ADAMTS2: variants seen among roughly 807,000 people sequenced by gnomAD.
ADAMTS2 encodes the protein ADAM metallopeptidase with thrombospondin type 1 motif 2.
A neutral mutation model predicts 123.0 loss-of-function variants in ADAMTS2; 50 were observed. The observed-to-expected ratio is 0.41, with a 90% CI of 0.32 to 0.51. The LOEUF is 0.51. Ranked by LOEUF, ADAMTS2 falls within the 20% of genes least tolerant of loss-of-function variation. The pLI is 0.35. For synonymous variants in ADAMTS2, 678 were observed against 695.4 expected (o/e 0.98, Z 0.39); for missense variants, 1,494 against 1,705.2 (o/e 0.88, Z 2.18).
Position 179,246,724 on chromosome 5 carries a change from A to T in ADAMTS2, c.688+26187T>A, listed in dbSNP as rs183329495. 2.0e-5 allele frequency among the ~76,000 whole-genome samples: 3 copies of T among 152,358 alleles called. No individual in the cohort carries two copies. The East Asian group carries it at 5.8e-4, about 29-fold the overall frequency. ...GTGTGCTCAAACACAGAACCAATCT[A>T]CAAAGACGAGGAGAGTATTTCTTCC... On this transcript the variant is annotated intron_variant, in intron 3 of 21. Transcript: ENST00000251582.
intron 3 of ADAMTS2, among the ~76,000 whole-genome samples, chr5:179,263,880 T>C (rs1766295450): frequency 6.6e-6 from 1 of 152,222 alleles, no homozygotes; most frequent in African/African-American, 2.4e-5. Context: ...CTGCCTAGGA[T>C]TAATTTCAAA....
At chr5:179,254,560 C>A (rs1480020542) in intron 3 of ADAMTS2, among the ~76,000 whole-genome samples, 1 of 152,134 alleles carries the variant, frequency 6.6e-6, no homozygotes. Context: ...GGAAGCAACT[C>A]AAATGCTTGT....
chr5:179,331,729 C>T (rs1445654362), intron 2 of ADAMTS2, among the ~76,000 whole-genome samples: 1 of 152,146 alleles, frequency 6.6e-6, no homozygotes, highest in Non-Finnish European at 1.5e-5. Flanking sequence ...GTCGGCAGGG[C>T]TGAGCCCTGG....
chr5:179,292,388 G>A (rs1344539892), intron 2 of ADAMTS2, among the ~76,000 whole-genome samples: 3 of 151,526 alleles, frequency 2.0e-5, no homozygotes, highest in Non-Finnish European at 4.4e-5. Context: ...CAGCACACTC[G>A]ACCATAAAGA....
At chr5:179,281,765 C>T (rs1379916807) in intron 2 of ADAMTS2, among the ~76,000 whole-genome samples, 1 of 152,132 alleles carries the variant, frequency 6.6e-6, no homozygotes, top group Non-Finnish European at 1.5e-5. Flanking sequence ...TTCTCAGTGC[C>T]CCCAGCAGTG....
rs1296193643 is a variant in ADAMTS2, at chr5:179,156,146, C to A, written c.1133-1227G>T. Among the ~76,000 whole-genome samples, 3 of 152,146 alleles carry A rather than the reference C, an allele frequency of 2.0e-5. No individual in the cohort carries two copies. The South Asian group carries it at 6.2e-4, about 32-fold the overall frequency. On this transcript the variant is annotated intron_variant, in intron 6 of 21. Coordinates refer to ENST00000251582, the MANE Select transcript of ADAMTS2 (RefSeq NM_014244.5). ...TTTCCATTCATCCTACTCAGCATTA[C>A]AGGAGCCTGCGAGATCTGAAAGCGC... is the stretch of plus-strand genomic sequence containing the variant.
At chr5:179,223,499 TGCACACTCATACGAATGCACTC>T (rs1765187824) in intron 3 of ADAMTS2, among the ~76,000 whole-genome samples, 1 of 102,132 alleles carries the variant, frequency 9.8e-6, no homozygotes, top group Non-Finnish European at 2.1e-5. Flanking sequence ...CACACTCACA[TGCACACTCATACGAATGCACTC>T]ACACACATGC....
At chr5:179,137,075 C>A (rs997626373) in intron 12 of ADAMTS2, among the ~76,000 whole-genome samples, 1 of 152,174 alleles carries the variant, frequency 6.6e-6, no homozygotes, top group Non-Finnish European at 1.5e-5. Flanking sequence ...CCCTTCTCAG[C>A]CTTTATCTGA....
intron 4 of ADAMTS2, among the ~76,000 whole-genome samples, chr5:179,195,158 C>A (rs1400294151): frequency 6.6e-6 from 1 of 152,204 alleles, no homozygotes; most frequent in African/African-American, 2.4e-5. Context: ...GTGCTCTGAG[C>A]TCCCCCAGTG....
intron 4 of ADAMTS2, among the ~76,000 whole-genome samples, chr5:179,206,726 C>T (rs929950044): frequency 3.3e-5 from 5 of 152,202 alleles, no homozygotes; most frequent in African/African-American, 4.8e-5. Context: ...GTGGCTCTGA[C>T]CACATGAGGC....
At chr5:179,315,308 A>T in intron 2 of ADAMTS2, among the ~76,000 whole-genome samples, 1 of 152,218 alleles carries the variant, frequency 6.6e-6, no homozygotes, top group African/African-American at 2.4e-5. Context: ...GGCTTCTGGA[A>T]AGCACTGAGG....
intron 2 of ADAMTS2, among the ~76,000 whole-genome samples, chr5:179,328,009 C>A (rs991536127): frequency 2.6e-5 from 4 of 152,066 alleles, no homozygotes; most frequent in African/African-American, 9.7e-5. Flanking sequence ...TGGGAAACAT[C>A]CAAGCGAGAG....
chr5:179,177,134 C>T (rs936565778), intron 5 of ADAMTS2, among the ~76,000 whole-genome samples: 1 of 152,214 alleles, frequency 6.6e-6, no homozygotes, highest in Non-Finnish European at 1.5e-5. Flanking sequence ...CCCAGCACAG[C>T]ACTTCCCACA....
chr5:179,135,067 C>T (rs1468522159), intron 13 of ADAMTS2, among the ~76,000 whole-genome samples: 9 of 48,004 alleles, frequency 1.9e-4, no homozygotes, highest in African/African-American at 4.6e-4. Context: ...TCCCAGCTCC[C>T]GGGTCCAGCT....
rs1464807301 is a variant in ADAMTS2, at chr5:179,128,541, C to T, written c.2458-423G>A. ...CTGAGTAGCTGGGATTACAGGCGCC[C>T]GCCACCACGCCTGGCTAATTTTTGT... On this transcript the variant is annotated intron_variant, in intron 16 of 21. Coordinates refer to ENST00000251582, the MANE Select transcript of ADAMTS2 (RefSeq NM_014244.5). This position sits in a 1 kb window ranked among gnomAD's most constrained non-coding sequence, Gnocchi z 4.9. 1.3e-5 allele frequency among the ~76,000 whole-genome samples: 2 copies of T among 151,990 alleles called. No homozygotes were observed. The highest frequency in any genetic ancestry group is 1.9e-4 in the East Asian group (1 of 5,160).
intron 3 of ADAMTS2, among the ~76,000 whole-genome samples, chr5:179,251,551 G>A (rs995385726): frequency 3.3e-5 from 5 of 152,198 alleles, no homozygotes; most frequent in Admixed American, 2.6e-4. Flanking sequence ...GTGTCTCTGC[G>A]TGTTCTGTGT....
chr5:179,134,724 C>T (rs529230180), intron 13 of ADAMTS2, among the ~76,000 whole-genome samples: 2 of 149,652 alleles, frequency 1.3e-5, no homozygotes, highest in African/African-American at 2.4e-5. Flanking sequence ...AGCACCCTCC[C>T]GGCTCCAGCT....
At position 179,273,043 on chromosome 5, in the gene ADAMTS2, C is replaced by A; in HGVS notation, c.556G>T (p.Glu186Ter). 1 of 1,613,624 alleles carries A rather than the reference C, an allele frequency of 6.2e-7. No individual in the cohort carries two copies. Among genetic ancestry groups the A allele is most frequent in the Non-Finnish European group, 8.5e-7 (1 of 1,180,044 alleles). Reference protein sequence around the residue: ...DGLAGLIRMEEEEFFIEPLEK... With the variant: ...DGLAGLIRME ...AAGGGTTCGATGAAGAACTCCTCCT[C>A]CTCCATCCGGATCAGACCAGCCTGC... The change falls in exon 3 of 22, where the codon GAG becomes TAG. Residue 186 changes from glutamate (E) to a stop codon, truncating the protein, a stop_gained. Coordinates refer to ENST00000251582, the MANE Select transcript of ADAMTS2 (RefSeq NM_014244.5). LOFTEE classifies it high-confidence loss of function.
chr5:179,215,309 A>G (rs60819052), intron 3 of ADAMTS2, among the ~76,000 whole-genome samples: 37,221 of 152,108 alleles, frequency 0.24, 4,618 homozygotes, highest in Admixed American at 0.27. Context: ...TTAGCTGGGC[A>G]TGGTGGTGCA....
Sources: allele counts gnomAD v4.1 joint callset (sites outside exome capture counted in the v4.1 genomes callset), GRCh38; gene constraint gnomAD v4.1.1; non-coding constraint Gnocchi (gnomAD v3.1); transcripts MANE v1.5; gene names NCBI Gene and HGNC (gene_info 2026-07-23, HGNC 2026-07-21).